Variants in PTPN5 observed in about 807,000 individuals in gnomAD.
The protein encoded by PTPN5 is tyrosine-protein phosphatase non-receptor type 5.
Under a neutral mutation model 73.9 loss-of-function variants are expected in PTPN5, and 29 were observed. That is an observed-to-expected ratio of 0.39 (90% CI 0.29 to 0.54). The LOEUF is 0.54. PTPN5 is among the 20% of genes least tolerant of loss of function. PTPN5 has a pLI of 0.65. For missense variants in PTPN5, 652 were observed against 751.4 expected, an observed-to-expected ratio of 0.87 and a Z score of 1.55; for synonymous variants, 267 against 304.7, an observed-to-expected ratio of 0.88 and a Z score of 1.29.
intron 1 of PTPN5, among the ~76,000 whole-genome samples, chr11:18,778,605 ACT>A (rs1361513057): frequency 6.6e-6 from 1 of 150,462 alleles, no homozygotes. Flanking sequence ...CCCTCAACTC[ACT>A]CTCTTGTTCC....
intron 1 of PTPN5, among the ~76,000 whole-genome samples, chr11:18,784,909 A>C (rs1253843834): frequency 6.6e-6 from 1 of 151,918 alleles, no homozygotes; most frequent in Non-Finnish European, 1.5e-5. Context: ...GCTGGAGTGC[A>C]GCGGCGCTAT....
chr11:18,767,392 G>A (rs1463036744), intron 2 of PTPN5, among the ~76,000 whole-genome samples: 2 of 152,230 alleles, frequency 1.3e-5, no homozygotes, highest in Non-Finnish European at 2.9e-5. Context: ...CTCCTGCAGA[G>A]AGGAGGTCAC....
chr11:18,789,521 T>C (rs1851818346), intron 1 of PTPN5, among the ~76,000 whole-genome samples: 1 of 152,236 alleles, frequency 6.6e-6, no homozygotes, highest in Non-Finnish European at 1.5e-5. Context: ...TTATGAAGTC[T>C]GTGTAAACTT....
intron 7 of PTPN5, among the ~76,000 whole-genome samples, chr11:18,741,376 G>A (rs1020116811): frequency 3.3e-5 from 5 of 152,320 alleles, no homozygotes; most frequent in African/African-American, 1.2e-4. Flanking sequence ...ACTATACTCA[G>A]AGTCTCAGAC....
upstream of PTPN5, chr11:18,791,989 C>T (rs531698532): frequency 6.6e-6 from 1 of 152,268 alleles, no homozygotes; most frequent in Non-Finnish European, 1.5e-5. Flanking sequence ...TCAGGTGCCT[C>T]CCTCTCCCGA....
At chr11:18,779,702 A>G (rs929645412) in intron 1 of PTPN5, among the ~76,000 whole-genome samples, 8 of 152,160 alleles carry the variant, frequency 5.3e-5, no homozygotes, top group African/African-American at 1.9e-4. Flanking sequence ...GGCTGTCAAC[A>G]GAGGTCCTCA....
chr11:18,788,052 C>T (rs1187440374), intron 1 of PTPN5, among the ~76,000 whole-genome samples: 1 of 152,168 alleles, frequency 6.6e-6, no homozygotes, highest in Non-Finnish European at 1.5e-5. Flanking sequence ...TGAATGACAT[C>T]CTTGGCCATT....
intron 3 of PTPN5, among the ~76,000 whole-genome samples, chr11:18,764,205 A>C (rs1850528136): frequency 4.6e-5 from 7 of 152,142 alleles, no homozygotes; most frequent in Admixed American, 4.6e-4. Context: ...GGAATTATTG[A>C]GTTCTATGAC....
At chr11:18,754,808 T>C (rs1400492850) in intron 3 of PTPN5, among the ~76,000 whole-genome samples, 3 of 152,240 alleles carry the variant, frequency 2.0e-5, no homozygotes, top group Non-Finnish European at 4.4e-5. Context: ...GGTGCACTTT[T>C]ACCTCGTGCA....
In PTPN5 at chr11:18,746,861, G is replaced by A. The variant is rs1223021563; in HGVS notation, c.98-2662C>T. Among the ~76,000 whole-genome samples, 3 of 152,290 alleles carry A rather than the reference G, an allele frequency of 2.0e-5. No homozygotes were observed. The East Asian group carries it at 5.8e-4, about 29-fold the overall frequency. ...AGAGTTGCTACTATTGATAAGCAGG[G>A]GGTTGATTTCTCAAGGGGCAAGGTC... On this transcript the variant is annotated intron_variant, in intron 3 of 14. Transcript: ENST00000358540.
In PTPN5 at chr11:18,729,384, G is replaced by A; in HGVS notation, c.1604+69C>T. Reference sequence around the variant, plus strand: ...CCTCACCCCCCGCCCATGCACATGTGGGTCTCTCCCTCTACCCGCTCGGGG... The same window carrying A: ...CCTCACCCCCCGCCCATGCACATGTAGGTCTCTCCCTCTACCCGCTCGGGG... On this transcript the variant is annotated intron_variant, in intron 14 of 14. Transcript: ENST00000358540. The surrounding 1 kb of genome is among the most constrained non-coding windows in gnomAD (Gnocchi z 5.2). The A allele has an allele frequency of 1.3e-6, 1 of 773,308 alleles. No homozygotes were observed. Among genetic ancestry groups the A allele is most frequent in the South Asian group, 1.4e-5 (1 of 70,850 alleles). The allele number at this position is 773,308 out of a possible 1,614,324, so 47.9% of individuals were successfully genotyped here. A position where few individuals can be genotyped will look rare whatever the true frequency, so the allele number is the denominator to read the frequency against.
At position 18,749,355 on chromosome 11, in the gene PTPN5, A is replaced by G. The variant is rs1849778450; in HGVS notation, c.98-5156T>C. The G allele has an allele frequency of 5.8e-6, 3 of 518,726 alleles. No individual in the cohort carries two copies. The Admixed American group carries it at 5.8e-5, about 10-fold the overall frequency. The allele number at this position is 518,726 out of a possible 1,614,324, so 32.1% of individuals were successfully genotyped here. ...TTAGAGAGGTTAAGTGTCTTGGCCA[A>G]GTAAGTGCAGACCTGAGATTCAAAC... On this transcript the variant is annotated intron_variant, in intron 3 of 14. Coordinates refer to ENST00000358540, the MANE Select transcript of PTPN5 (RefSeq NM_006906.2).
At position 18,732,950 on chromosome 11, in the gene PTPN5, T is replaced by A. The variant is rs578187048; in HGVS notation, c.1219-248A>T. The stretch of plus-strand genomic sequence containing the variant: ...GGAGATTCGGTTAAATGGGCCCTTA[T>A]GGGTACAGGAGTAGCCAACATCTGT... On this transcript the variant is annotated intron_variant, in intron 11 of 14. Transcript: ENST00000358540. 2.0e-5 allele frequency among the ~76,000 whole-genome samples: 3 copies of A among 152,320 alleles called. No individual in the cohort carries two copies. The East Asian group carries it at 5.8e-4, about 29-fold the overall frequency.
intron 3 of PTPN5, among the ~76,000 whole-genome samples, chr11:18,760,757 C>T (rs1453023105): frequency 6.6e-6 from 1 of 152,218 alleles, no homozygotes; most frequent in Non-Finnish European, 1.5e-5. Flanking sequence ...AGACCTGGGC[C>T]CTGTGCCCCG....
chr11:18,781,137 G>A (rs1260616325), intron 1 of PTPN5, among the ~76,000 whole-genome samples: 2 of 151,942 alleles, frequency 1.3e-5, no homozygotes, highest in Non-Finnish European at 2.9e-5. Flanking sequence ...TCTGATCTTT[G>A]CCGCACCCCC....
At chr11:18,740,856 T>G (rs1266759067) in intron 7 of PTPN5, 64 bp from the exon 8 acceptor site, 2 of 1,157,816 alleles carry the variant, frequency 1.7e-6, no homozygotes, top group East Asian at 5.6e-5. Context: ...AGCTGGGGTC[T>G]CCAGGGCTGG....
chr11:18,753,654 T>C (rs1392948930), intron 3 of PTPN5, among the ~76,000 whole-genome samples: 1 of 152,236 alleles, frequency 6.6e-6, no homozygotes. Context: ...AAACTGGTGG[T>C]TCTGCCCTAG....
intron 3 of PTPN5, among the ~76,000 whole-genome samples, chr11:18,762,643 C>A (rs980525290): frequency 6.6e-6 from 1 of 152,134 alleles, no homozygotes; most frequent in African/African-American, 2.4e-5. Context: ...GCATGACTTA[C>A]TTATTTTATT....
In PTPN5 at chr11:18,740,660, T is replaced by C; in HGVS notation, c.858A>G (p.Gln286=). Residue 286 remains glutamine, a synonymous_variant, in exon 8 of 15, where the codon CAA becomes CAG. Transcript: ENST00000358540. Reference sequence around the variant, plus strand: ...GGGCCTTTTCATGAAGCTCTTCTGCTTGGAGGACACGGGAGGCGCTGAGCA... The same window carrying C: ...GGGCCTTTTCATGAAGCTCTTCTGCCTGGAGGACACGGGAGGCGCTGAGCA... ...EYLLSASRVL[Q]AEELHEKALD... 6.2e-7 allele frequency: 1 copy of C among 1,603,592 alleles called. No homozygotes were observed. The highest frequency in any genetic ancestry group is 8.5e-7 in the Non-Finnish European group (1 of 1,174,984).
Sources: gnomAD v4.1 joint callset for allele counts (sites outside exome capture counted in the v4.1 genomes callset) on GRCh38, gnomAD v4.1.1 for gene constraint, Gnocchi (gnomAD v3.1) non-coding constraint, MANE v1.5 for transcripts, NCBI Gene and HGNC (gene_info 2026-07-23, HGNC 2026-07-21) for gene names.